DGKH: variants seen among roughly 807,000 people sequenced by gnomAD.
The protein encoded by DGKH is DAG kinase eta.
A neutral mutation model predicts 159.3 loss-of-function variants in DGKH; 90 were observed. The observed-to-expected ratio is 0.57, with a 90% CI of 0.48 to 0.67. The LOEUF (loss-of-function observed/expected upper bound fraction) is 0.67. Among genes scored for constraint, DGKH ranks in the 30% least tolerant of loss-of-function variants. DGKH has a pLI of 0.00. For synonymous variants in DGKH, 536 were observed against 553.8 expected, an observed-to-expected ratio of 0.97 and a Z score of 0.45; for missense variants, 1,181 against 1,506.1, an observed-to-expected ratio of 0.78 and a Z score of 3.57.
intron 29 of DGKH, among the ~76,000 whole-genome samples, chr13:42,251,915 G>T (rs1479770134): frequency 6.6e-6 from 1 of 152,168 alleles, no homozygotes; most frequent in African/African-American, 2.4e-5. Context: ...TGAGAACAGA[G>T]AGCATGTATT....
intron 3 of DGKH, among the ~76,000 whole-genome samples, chr13:42,144,383 G>T (rs547859480): frequency 6.6e-6 from 1 of 152,144 alleles, no homozygotes; most frequent in African/African-American, 2.4e-5. Context: ...AAAATCTTAG[G>T]GTGAAGGTAA....
At chr13:42,152,513 T>A (rs1455850990) in intron 3 of DGKH, among the ~76,000 whole-genome samples, 5 of 147,964 alleles carry the variant, frequency 3.4e-5, no homozygotes, top group African/African-American at 9.8e-5. Context: ...ATATATATAT[T>A]ATATATATAT....
intron 3 of DGKH, among the ~76,000 whole-genome samples, chr13:42,138,317 A>G (rs1005395773): frequency 6.6e-6 from 1 of 152,138 alleles, no homozygotes; most frequent in African/African-American, 2.4e-5. Context: ...CTAAATGACC[A>G]TCTTTCTAGA....
At chr13:42,158,823 A>G (rs1219787314) in intron 5 of DGKH, among the ~76,000 whole-genome samples, 2 of 152,198 alleles carry the variant, frequency 1.3e-5, no homozygotes, top group Non-Finnish European at 2.9e-5. Context: ...TTTTATATGT[A>G]TAGAAAAATA....
At chr13:42,253,141 C>T (rs953603233) in intron 30 of DGKH, among the ~76,000 whole-genome samples, 1 of 152,162 alleles carries the variant, frequency 6.6e-6, no homozygotes, top group African/African-American at 2.4e-5. Flanking sequence ...CACCTTTATG[C>T]TGAGTGCTAT....
At chr13:42,093,213 C>T (rs1954455197) in intron 1 of DGKH, among the ~76,000 whole-genome samples, 1 of 149,964 alleles carries the variant, frequency 6.7e-6, no homozygotes, top group Admixed American at 6.7e-5. Context: ...TACTGCACTC[C>T]AGCCTGGGCG....
At chr13:42,149,933 C>T (rs912671828) in intron 3 of DGKH, among the ~76,000 whole-genome samples, 3 of 152,228 alleles carry the variant, frequency 2.0e-5, no homozygotes, top group Admixed American at 6.5e-5. Context: ...AGGCAAACTA[C>T]ATAGAATTAT....
chr13:42,162,924 C>CATAGGT (rs1450550551), intron 7 of DGKH, among the ~76,000 whole-genome samples: 1 of 148,976 alleles, frequency 6.7e-6, no homozygotes, highest in Non-Finnish European at 1.5e-5. Context: ...AGGTTAGTTA[C>CATAGGT]ATAGGTATAC....
chr13:42,248,699 T>A lies in DGKH; in HGVS notation n.4055-3710T>A, dbSNP rs1023541168. Among the ~76,000 whole-genome samples the A allele has an allele frequency of 2.0e-5, 3 of 150,570 alleles. No homozygotes were observed. The East Asian group carries it at 5.8e-4, about 29-fold the overall frequency. ...TTTTACTGTAGATATCTTTTATATC[T>A]TTACCGTACCTTTTCTCTGTTTAGA... On this transcript the variant is annotated intron_variant and non_coding_transcript_variant, in intron 29 of 30. Coordinates refer to the DGKH transcript ENST00000498255.
At chr13:42,136,024 G>A (rs1011928015) in intron 3 of DGKH, among the ~76,000 whole-genome samples, 3 of 152,234 alleles carry the variant, frequency 2.0e-5, no homozygotes, top group South Asian at 2.1e-4. Flanking sequence ...ATCCAGTTAT[G>A]TGACCTTGGA....
Position 42,229,210 on chromosome 13 carries a change from G to A in DGKH, c.*22G>A. Reference sequence around the variant, plus strand: ...GTAATCATATTGGTGCTATTTCTTGGAAGAGAAGTTATTGCCACTTAATAC... The same window carrying A: ...GTAATCATATTGGTGCTATTTCTTGAAAGAGAAGTTATTGCCACTTAATAC... On this transcript the variant is annotated 3_prime_UTR_variant, in exon 30 of 30. Coordinates refer to ENST00000337343, the MANE Select transcript of DGKH (RefSeq NM_178009.5). The A allele has an allele frequency of 2.5e-6, 4 of 1,594,068 alleles. No homozygotes were observed. Among genetic ancestry groups the A allele is most frequent in the Non-Finnish European group, 3.4e-6 (4 of 1,171,452 alleles).
Position 42,202,284 on chromosome 13 carries a change from G to A in DGKH, c.2493+2375G>A, listed in dbSNP as rs76942989. On this transcript the variant is annotated intron_variant, in intron 20 of 29. Coordinates refer to ENST00000337343, the MANE Select transcript of DGKH (RefSeq NM_178009.5). ...CTACTTCTAAAGACGATGGAAGGCC[G>A]TTGTCTAAAAATTCATTTTTCTGAT... Among the ~76,000 whole-genome samples the A allele has an allele frequency of 6.9e-3, 1,048 of 152,232 alleles. 6 individuals carry two copies. The highest frequency in any genetic ancestry group is 0.014 in the South Asian group (67 of 4,822).
intron 7 of DGKH, among the ~76,000 whole-genome samples, chr13:42,161,063 T>A (rs1305770998): frequency 1.3e-5 from 2 of 152,230 alleles, no homozygotes; most frequent in Non-Finnish European, 1.5e-5. Flanking sequence ...GCCTTAGATA[T>A]GTTACTAATA....
chr13:42,140,950 C>CTT (rs1175860044), intron 3 of DGKH: 32 of 147,040 alleles, frequency 2.2e-4, no homozygotes, highest in Admixed American at 2.0e-3. Context: ...TTTTATTATA[C>CTT]TTTAAGTTTT....
At chr13:42,067,580 G>T (rs369241105) in intron 1 of DGKH, among the ~76,000 whole-genome samples, 16 of 152,210 alleles carry the variant, frequency 1.1e-4, no homozygotes, top group East Asian at 7.7e-4. Context: ...AGATACCATT[G>T]TGTGTGCTAA....
In DGKH at chr13:42,187,085, A is replaced by C. The variant is rs1258921539; in HGVS notation, c.1575A>C (p.Lys525Asn). 1.2e-6 allele frequency: 2 copies of C among 1,614,144 alleles called. No individual in the cohort carries two copies. Among genetic ancestry groups the C allele is most frequent in the South Asian group, 2.2e-5 (2 of 91,086 alleles). ...LCETVKDFVA[K>N]VEKTYDKTLE... is the part of the protein sequence containing the mutation. ...AAACTGTAAAGGACTTCGTTGCCAAAGTAGAAAAGACGTATGACAAAACCT... is the reference window on the plus strand; with the variant it reads ...AAACTGTAAAGGACTTCGTTGCCAACGTAGAAAAGACGTATGACAAAACCT... Residue 525 changes from lysine to asparagine, a missense_variant, in exon 14 of 30, where the codon AAA (lysine) becomes AAC (asparagine). Around this residue, in one of 5 missense-constraint regions of DGKH, gnomAD observed 257 missense variants for 281.5 expected, o/e 0.91. Coordinates refer to ENST00000337343, the MANE Select transcript of DGKH (RefSeq NM_178009.5).
intron 1 of DGKH, among the ~76,000 whole-genome samples, chr13:42,090,854 G>T (rs1214949072): frequency 6.6e-6 from 1 of 152,106 alleles, no homozygotes; most frequent in Non-Finnish European, 1.5e-5. Context: ...TGGCATTAGG[G>T]TGCTTATGAT....
At chr13:42,139,551 C>T (rs965880000) in intron 3 of DGKH, among the ~76,000 whole-genome samples, 4 of 152,152 alleles carry the variant, frequency 2.6e-5, no homozygotes, top group South Asian at 2.1e-4. Context: ...ATCCATGACT[C>T]GGAAAACATA....
At chr13:42,248,102 A>G (rs1318061502) in intron 29 of DGKH, among the ~76,000 whole-genome samples, 1 of 152,228 alleles carries the variant, frequency 6.6e-6, no homozygotes, top group Non-Finnish European at 1.5e-5. Context: ...ACCCAAGGCA[A>G]CTTCCAGTCC....
Sources: gnomAD v4.1 joint callset for allele counts (sites outside exome capture counted in the v4.1 genomes callset) on GRCh38, gnomAD v4.1.1 for gene constraint, gnomAD v4.1.1 regional missense constraint, MANE v1.5 for transcripts, NCBI Gene and HGNC (gene_info 2026-07-23, HGNC 2026-07-21) for gene names.